RAB1A: variants seen among roughly 807,000 people sequenced by gnomAD.
RAB1A encodes RAB1A, member RAS oncogene family, also known as ras-related protein Rab-1A.
In RAB1A, 2 loss-of-function variants were observed where a neutral mutation model predicts 26.0. The ratio of observed to expected loss-of-function variants is 0.08; its 90% CI spans 0.03 to 0.24. RAB1A has a LOEUF of 0.24. Ranked by LOEUF, RAB1A falls within the 10% of genes least tolerant of loss-of-function variation. The pLI is 1.00. For synonymous variants in RAB1A, 84 were observed against 84.9 expected (o/e 0.99, Z 0.06); for missense variants, 100 against 247.0 (o/e 0.40, Z 3.99).
chr2:65,095,720 A>G (rs1291003483), intron 3 of RAB1A, among the ~76,000 whole-genome samples: 2 of 151,574 alleles, frequency 1.3e-5, no homozygotes, highest in African/African-American at 4.8e-5. Context: ...CTTCTTAAAA[A>G]TGTTCAAAAA....
intron 3 of RAB1A, among the ~76,000 whole-genome samples, chr2:65,092,287 A>G (rs1245246142): frequency 2.0e-5 from 3 of 152,088 alleles, no homozygotes; most frequent in Non-Finnish European, 4.4e-5. Context: ...AAAAAAAAAA[A>G]GAGGCTCAAA....
chr2:65,123,043 CAAAT>C (rs1228143895), intron 1 of RAB1A, among the ~76,000 whole-genome samples: 2 of 147,292 alleles, frequency 1.4e-5, no homozygotes, highest in Non-Finnish European at 3.0e-5. Context: ...ATTCAAACTA[CAAAT>C]AGTGAAACCA....
rs1669359749 is a variant in RAB1A at position 65,099,149 on chromosome 2, T to G, written c.97-1083A>C. 2.0e-5 allele frequency among the ~76,000 whole-genome samples: 3 copies of G among 152,140 alleles called. No homozygotes were observed. The South Asian group carries it at 6.2e-4, about 31-fold the overall frequency. Reference sequence around the variant, plus strand: ...ACCATGCCTGGCCCATTTTATTGGCTGAATAATATTACATGTACTACAAAT... The same window carrying G: ...ACCATGCCTGGCCCATTTTATTGGCGGAATAATATTACATGTACTACAAAT... On this transcript the variant is annotated intron_variant, in intron 2 of 5. Coordinates refer to ENST00000409784, the MANE Select transcript of RAB1A (RefSeq NM_004161.5).
intron 3 of RAB1A, among the ~76,000 whole-genome samples, chr2:65,095,832 C>T (rs558918304): frequency 6.6e-6 from 1 of 151,096 alleles, no homozygotes; most frequent in Non-Finnish European, 1.5e-5. Context: ...GCCAACATGG[C>T]GAAATCCCAT....
rs937146089 is a variant in RAB1A, at chr2:65,091,141, G to A, written c.193-63C>T. The A allele has an allele frequency of 8.7e-6, 11 of 1,265,458 alleles. No individual in the cohort carries two copies. The Admixed American group carries it at 1.5e-4, about 17-fold the overall frequency. The allele number at this position is 1,265,458 out of a possible 1,614,324, so 78.4% of individuals were successfully genotyped here. A position where few individuals can be genotyped will look rare whatever the true frequency, so the allele number is the denominator to read the frequency against. On this transcript the variant is annotated intron_variant, in intron 3 of 5. Transcript: ENST00000409784. The stretch of plus-strand genomic sequence containing the variant: ...TAAAATAAAGTTGGGGAAAAGTGTA[G>A]GAGGGAGGGGAAATAGTTTAGTTTT...
chr2:65,093,875 G>A (rs1669225557), intron 3 of RAB1A, among the ~76,000 whole-genome samples: 1 of 151,986 alleles, frequency 6.6e-6, no homozygotes, highest in Non-Finnish European at 1.5e-5. Flanking sequence ...GCGTGCCTCT[G>A]CCTCCCAAAG....
chr2:65,122,473 A>G (rs913848747), intron 1 of RAB1A, among the ~76,000 whole-genome samples: 1 of 151,920 alleles, frequency 6.6e-6, no homozygotes, highest in Non-Finnish European at 1.5e-5. Context: ...TGGGAGGATC[A>G]CTGAAACCCG....
At chr2:65,095,226 G>T (rs893719841) in intron 3 of RAB1A, among the ~76,000 whole-genome samples, 2 of 152,078 alleles carry the variant, frequency 1.3e-5, no homozygotes, top group African/African-American at 4.8e-5. Flanking sequence ...GCAAAGATGA[G>T]GTTTCGCCAT....
intron 1 of RAB1A, among the ~76,000 whole-genome samples, chr2:65,111,114 C>T (rs532921932): frequency 7.2e-4 from 110 of 152,206 alleles, no homozygotes; most frequent in African/African-American, 2.3e-3. Flanking sequence ...GTAATCCTAG[C>T]GCTTTGGGAG....
chr2:65,119,532 G>A (rs1479520506), intron 1 of RAB1A, among the ~76,000 whole-genome samples: 1 of 148,626 alleles, frequency 6.7e-6, no homozygotes, highest in Non-Finnish European at 1.5e-5. Flanking sequence ...CCACACTCCA[G>A]CCTGGGCGAC....
chr2:65,122,863 C>A (rs1019160216), intron 1 of RAB1A, among the ~76,000 whole-genome samples: 2 of 148,386 alleles, frequency 1.3e-5, no homozygotes, highest in African/African-American at 5.0e-5. Context: ...CCCAGCTAAT[C>A]GGGAGGCTGA....
chr2:65,089,116 T>C (rs1221634042), intron 4 of RAB1A, 46 bp from the exon 5 acceptor site: 1 of 1,523,492 alleles, frequency 6.6e-7, no homozygotes, highest in Admixed American at 1.9e-5. Context: ...GATAATATAG[T>C]TCTGGAATAA....
chr2:65,090,526 T>C, intron 4 of RAB1A, among the ~76,000 whole-genome samples: 1 of 152,174 alleles, frequency 6.6e-6, no homozygotes, highest in East Asian at 1.9e-4. Flanking sequence ...CTACAGCTTA[T>C]CCTATTCAAA....
intron 3 of RAB1A, among the ~76,000 whole-genome samples, chr2:65,097,659 T>C (rs1669323588): frequency 2.6e-5 from 4 of 152,322 alleles, no homozygotes; most frequent in East Asian, 1.9e-4. Flanking sequence ...AAATGGTCTA[T>C]AACATTTGCA....
intron 1 of RAB1A, among the ~76,000 whole-genome samples, chr2:65,125,189 T>G (rs1381592005): frequency 6.6e-6 from 1 of 152,080 alleles, no homozygotes; most frequent in East Asian, 1.9e-4. Context: ...GGTAAATACT[T>G]TAAACTTTTT....
At chr2:65,114,141 G>A (rs754669386) in intron 1 of RAB1A, 1 of 469,322 alleles carries the variant, frequency 2.1e-6, no homozygotes, top group Non-Finnish European at 4.1e-6. Context: ...TAAATTCTGG[G>A]TTAAATGAGA....
At position 65,104,975 on chromosome 2, in the gene RAB1A, C is replaced by T. The variant is rs1669520095; in HGVS notation, c.24-169G>A. On this transcript the variant is annotated intron_variant, in intron 1 of 5. Coordinates refer to ENST00000409784, the MANE Select transcript of RAB1A (RefSeq NM_004161.5). ...CTGCAAACAGCCACAGCCCTTCTGA[C>T]AGATCACTAAACATGATAAAATTAT... The T allele has an allele frequency of 4.1e-6, 3 of 735,524 alleles. No individual in the cohort carries two copies. In the South Asian group the frequency reaches 4.3e-5, roughly 11 times the overall value. 45.6% of individuals were successfully genotyped at this position (735,524 alleles called of 1,614,324 possible).
chr2:65,092,395 G>C lies in RAB1A; in HGVS notation c.193-1317C>G, dbSNP rs74984917. On this transcript the variant is annotated intron_variant, in intron 3 of 5. Coordinates refer to ENST00000409784, the MANE Select transcript of RAB1A (RefSeq NM_004161.5). ...AGGTTCCTGGTTATTTAATATTAGG[G>C]AGAGTCACCTAACAGTTTCTTCATC... 3.7e-3 allele frequency among the ~76,000 whole-genome samples: 564 copies of C among 152,274 alleles called. 2 individuals are homozygous for C. The highest frequency in any genetic ancestry group is 0.013 in the African/African-American group (536 of 41,562).
intron 1 of RAB1A, among the ~76,000 whole-genome samples, chr2:65,109,923 G>A (rs903129101): frequency 6.6e-6 from 1 of 152,090 alleles, no homozygotes; most frequent in African/African-American, 2.4e-5. Flanking sequence ...AGCTATCTGT[G>A]GGTGTGGAAG....
Sources: allele counts gnomAD v4.1 joint callset (sites outside exome capture counted in the v4.1 genomes callset), GRCh38; gene constraint gnomAD v4.1.1; transcripts MANE v1.5; gene names NCBI Gene and HGNC (gene_info 2026-07-23, HGNC 2026-07-21).